The following MRTFA variants were observed in gnomAD, a reference collection of about 807,000 sequenced individuals.
The protein encoded by MRTFA is myocardin related transcription factor A.
In MRTFA, 20 loss-of-function variants were observed where a neutral mutation model predicts 83.5. The ratio of observed to expected loss-of-function variants is 0.24; its 90% CI spans 0.17 to 0.35. MRTFA has a LOEUF of 0.35. Among genes scored for constraint, MRTFA ranks in the 10% least tolerant of loss-of-function variants. The pLI is 1.00. For missense variants in MRTFA, 1,200 were observed against 1,224.7 expected, an observed-to-expected ratio of 0.98 and a Z score of 0.30; for synonymous variants, 659 against 541.2, an observed-to-expected ratio of 1.22 and a Z score of -3.02.
intron 3 of MRTFA, among the ~76,000 whole-genome samples, chr22:40,501,972 G>A (rs1279888536): frequency 4.0e-5 from 5 of 126,142 alleles, no homozygotes; most frequent in East Asian, 2.7e-4. Flanking sequence ...GCGGCTGGCC[G>A]GGCGGGGGGC....
At chr22:40,540,922 AATGGC>A (rs553724757) in intron 3 of MRTFA, among the ~76,000 whole-genome samples, 7 of 152,170 alleles carry the variant, frequency 4.6e-5, no homozygotes, top group Non-Finnish European at 1.0e-4. Flanking sequence ...CAGAAATTCA[AATGGC>A]ATAGGAAAAG....
intron 2 of MRTFA, among the ~76,000 whole-genome samples, chr22:40,555,756 C>T (rs563903856): frequency 5.3e-4 from 81 of 151,930 alleles, no homozygotes; most frequent in Non-Finnish European, 9.1e-4. Flanking sequence ...CCTGTCTCAG[C>T]CTCCCGAGTA....
intron 4 of MRTFA, among the ~76,000 whole-genome samples, chr22:40,439,046 A>G (rs572345664): frequency 3.9e-4 from 59 of 152,356 alleles, no homozygotes; most frequent in African/African-American, 1.4e-3. Flanking sequence ...CATTTTATAG[A>G]TAAGGACAGG....
intron 4 of MRTFA, among the ~76,000 whole-genome samples, chr22:40,451,654 T>C (rs190320009): frequency 6.6e-6 from 1 of 152,254 alleles, no homozygotes; most frequent in East Asian, 1.9e-4. Context: ...AGCACGAGTA[T>C]CGACACAGGG....
chr22:40,517,751 A>C (rs1179505353), intron 3 of MRTFA, among the ~76,000 whole-genome samples: 2 of 152,184 alleles, frequency 1.3e-5, no homozygotes, highest in African/African-American at 4.8e-5. Context: ...GGTCCCTTTC[A>C]ACCAAACCTG....
At chr22:40,458,832 C>T (rs748148503) in intron 4 of MRTFA, among the ~76,000 whole-genome samples, 5 of 152,092 alleles carry the variant, frequency 3.3e-5, no homozygotes, top group African/African-American at 7.2e-5. Context: ...AATCTCAGCA[C>T]TTTGGAAGGC....
chr22:40,437,949 C>T (rs1429571939), intron 4 of MRTFA, among the ~76,000 whole-genome samples: 2 of 152,096 alleles, frequency 1.3e-5, no homozygotes, highest in Admixed American at 6.6e-5. Context: ...ATTATTCACT[C>T]GATGAATTAG....
intron 1 of MRTFA, among the ~76,000 whole-genome samples, chr22:40,631,374 T>C (rs1018902934): frequency 6.6e-6 from 1 of 152,200 alleles, no homozygotes; most frequent in Non-Finnish European, 1.5e-5. Context: ...AAGGACTTTA[T>C]ATATTTTTAT....
intron 10 of MRTFA, 35 bp from the exon 11 acceptor site, chr22:40,420,611 C>G: frequency 6.2e-7 from 1 of 1,604,940 alleles, no homozygotes; most frequent in Non-Finnish European, 8.5e-7. Flanking sequence ...CCCCATCCAG[C>G]TTCGCCCGTG....
chr22:40,561,754 T>C (rs962595472), intron 2 of MRTFA, among the ~76,000 whole-genome samples: 4 of 152,160 alleles, frequency 2.6e-5, no homozygotes, highest in South Asian at 4.1e-4. Context: ...TTAAAGATGG[T>C]TGCAAATTAC....
chr22:40,565,484 C>A, intron 2 of MRTFA, among the ~76,000 whole-genome samples: 1 of 152,158 alleles, frequency 6.6e-6, no homozygotes, highest in Admixed American at 6.5e-5. Flanking sequence ...GAGGTAGAGA[C>A]TGCAGTGAGC....
chr22:40,448,567 C>T lies in MRTFA; in HGVS notation c.308-13013G>A, dbSNP rs2053427686. Among the ~76,000 whole-genome samples, 4 of 152,166 alleles carry T rather than the reference C, an allele frequency of 2.6e-5. No homozygotes were observed. In the South Asian group the frequency reaches 8.3e-4, roughly 31 times the overall value. On this transcript the variant is annotated intron_variant, in intron 4 of 14. Coordinates refer to ENST00000355630, the MANE Select transcript of MRTFA (RefSeq NM_020831.6). ...TTTAATCTAGTCTTTCACATTTGGC[C>T]ATCTTTTCCTAGCTATTCCTTTGGA...
At chr22:40,578,933 A>T (rs2055908088) in intron 2 of MRTFA, among the ~76,000 whole-genome samples, 1 of 152,058 alleles carries the variant, frequency 6.6e-6, no homozygotes, top group Non-Finnish European at 1.5e-5. Context: ...AAAAACTAAA[A>T]TAATAAAAAA....
intron 1 of MRTFA, among the ~76,000 whole-genome samples, chr22:40,627,849 T>C (rs1367875310): frequency 1.3e-5 from 2 of 152,166 alleles, no homozygotes; most frequent in Admixed American, 6.5e-5. Flanking sequence ...GGCACACGCC[T>C]ATAGTCCTAG....
Position 40,459,782 on chromosome 22 carries a change from TACACAC to T in MRTFA, c.307+3433_307+3438del, listed in dbSNP as rs745698441. 2.9e-3 allele frequency among the ~76,000 whole-genome samples: 256 copies of T among 88,930 alleles called. 3 individuals carry two copies. Among genetic ancestry groups the T allele is most frequent in the South Asian group, 0.01 (21 of 2,026 alleles). The allele number at this position is 88,930 out of a possible 152,430, so 58.3% of individuals were successfully genotyped here. A position where few individuals can be genotyped will look rare whatever the true frequency, so the allele number is the denominator to read the frequency against. ...CACTGGGGACGGGACTGATAAAATA[TACACAC>T]ACACACACACACACACACACACACA... On this transcript the variant is annotated intron_variant, in intron 4 of 14. Transcript: ENST00000355630.
chr22:40,417,744 A>C, intron 12 of MRTFA: 1 of 480,308 alleles, frequency 2.1e-6, no homozygotes. Flanking sequence ...TGGGCTGGTC[A>C]CCCCCTGAGA....
intron 2 of MRTFA, among the ~76,000 whole-genome samples, chr22:40,554,870 A>G (rs963876260): frequency 2.0e-5 from 3 of 152,232 alleles, no homozygotes; most frequent in Non-Finnish European, 4.4e-5. Context: ...GAGCTGCCCA[A>G]GGCTTTGGGA....
intron 2 of MRTFA, among the ~76,000 whole-genome samples, chr22:40,585,278 T>C (rs1045265854): frequency 6.6e-6 from 1 of 152,216 alleles, no homozygotes; most frequent in Non-Finnish European, 1.5e-5. Flanking sequence ...TTATATAAAC[T>C]TTTTTAAAAA....
chr22:40,617,973 G>A (rs1370264166), intron 1 of MRTFA, among the ~76,000 whole-genome samples: 3 of 152,030 alleles, frequency 2.0e-5, no homozygotes, highest in Admixed American at 6.5e-5. Context: ...GGGAAGAGAC[G>A]GACAACAAAC....
Sources: gnomAD v4.1 joint callset for allele counts (sites outside exome capture counted in the v4.1 genomes callset) on GRCh38, gnomAD v4.1.1 for gene constraint, MANE v1.5 for transcripts, NCBI Gene and HGNC (gene_info 2026-07-23, HGNC 2026-07-21) for gene names.